SGCZ: variants seen among roughly 807,000 people sequenced by gnomAD.
SGCZ encodes zeta-sarcoglycan.
In SGCZ, 40 loss-of-function variants were observed where a neutral mutation model predicts 41.3. The observed-to-expected ratio is 0.97, with a 90% confidence interval of 0.75 to 1.26. SGCZ has a LOEUF of 1.26. SGCZ is among the 50% of genes most tolerant of loss of function. The pLI is 0.00. For synonymous variants in SGCZ, 206 were observed against 137.5 expected (o/e 1.50, Z -3.49); for missense variants, 552 against 369.8 (o/e 1.49, Z -4.04).
At chr8:14,309,213 A>G in intron 3 of SGCZ, 1 of 1,498,880 alleles carries the variant, frequency 6.7e-7, no homozygotes, top group East Asian at 2.3e-5. Context: ...CTGATCTCTA[A>G]GTTTGATACT....
chr8:14,896,762 C>T (rs1585358816), intron 1 of SGCZ, among the ~76,000 whole-genome samples: 1 of 151,892 alleles, frequency 6.6e-6, no homozygotes, highest in African/African-American at 2.4e-5. Flanking sequence ...CAGGCGTGGG[C>T]CACCACACCT....
At chr8:14,912,445 A>G (rs909111050) in intron 1 of SGCZ, among the ~76,000 whole-genome samples, 8 of 152,032 alleles carry the variant, frequency 5.3e-5, no homozygotes, top group African/African-American at 1.7e-4. Context: ...TTTATACTAC[A>G]TGTTGAGAAC....
intron 4 of SGCZ, among the ~76,000 whole-genome samples, chr8:14,178,422 G>A (rs1216242155): frequency 6.6e-6 from 1 of 152,132 alleles, no homozygotes; most frequent in Non-Finnish European, 1.5e-5. Context: ...ACCTATTGAG[G>A]CTAGCAAACC....
In SGCZ at chr8:15,197,963, TTA is replaced by T. The variant is rs533537790; in HGVS notation, c.39+39620_39+39621del. On this transcript the variant is annotated intron_variant, in intron 1 of 7. Coordinates refer to ENST00000382080, the MANE Select transcript of SGCZ (RefSeq NM_139167.4). ...ACACATAATACATACCATATTTACATTATATATATATTATGTACAGATACATA... is the reference window on the plus strand; with the variant it reads ...ACACATAATACATACCATATTTACATTATATATATTATGTACAGATACATA... Among the ~76,000 whole-genome samples, 495 of 149,452 alleles carry T rather than the reference TTA, an allele frequency of 3.3e-3. 2 individuals carry two copies. The highest frequency in any genetic ancestry group is 0.011 in the African/African-American group (455 of 40,970).
At chr8:14,467,544 G>T (rs1460104378) in intron 2 of SGCZ, among the ~76,000 whole-genome samples, 1 of 152,030 alleles carries the variant, frequency 6.6e-6, no homozygotes, top group Non-Finnish European at 1.5e-5. Context: ...TCTGAGATGG[G>T]TAGTTGCTAC....
At chr8:15,146,754 C>A (rs1015624613) in intron 1 of SGCZ, among the ~76,000 whole-genome samples, 3 of 151,986 alleles carry the variant, frequency 2.0e-5, no homozygotes, top group Admixed American at 2.0e-4. Context: ...ATTACTTTGA[C>A]AAAAATATTT....
chr8:15,169,937 C>T (rs753289576), intron 1 of SGCZ, among the ~76,000 whole-genome samples: 35 of 152,220 alleles, frequency 2.3e-4, no homozygotes, highest in Admixed American at 1.3e-3. Flanking sequence ...GAGTGAACTA[C>T]GTAATTTCAT....
chr8:14,376,924 T>G (rs1282846270), intron 2 of SGCZ, among the ~76,000 whole-genome samples: 1 of 152,152 alleles, frequency 6.6e-6, no homozygotes, highest in Admixed American at 6.5e-5. Context: ...AAGAAATACA[T>G]ATTTAGTCTT....
intron 1 of SGCZ, among the ~76,000 whole-genome samples, chr8:15,217,232 A>T (rs1452502838): frequency 6.6e-6 from 1 of 151,768 alleles, no homozygotes; most frequent in East Asian, 1.9e-4. Flanking sequence ...CTTGGCTAAC[A>T]CGGTGAAACC....
intron 3 of SGCZ, among the ~76,000 whole-genome samples, chr8:14,264,262 A>T (rs1036352285): frequency 1.3e-5 from 2 of 152,150 alleles, no homozygotes; most frequent in African/African-American, 4.8e-5. Context: ...ATGCACAGGG[A>T]TGCTGTGTGT....
At chr8:15,129,409 T>A (rs1317363358) in intron 1 of SGCZ, among the ~76,000 whole-genome samples, 1 of 152,260 alleles carries the variant, frequency 6.6e-6, no homozygotes, top group Non-Finnish European at 1.5e-5. Flanking sequence ...ATTCATAACA[T>A]TTTTAGTCAA....
intron 1 of SGCZ, among the ~76,000 whole-genome samples, chr8:14,863,050 G>A (rs1037517844): frequency 6.6e-6 from 1 of 152,078 alleles, no homozygotes; most frequent in Non-Finnish European, 1.5e-5. Flanking sequence ...TGATTGAGAA[G>A]CTACAAGGTG....
At chr8:15,065,446 A>G (rs1805098548) in intron 1 of SGCZ, among the ~76,000 whole-genome samples, 1 of 146,900 alleles carries the variant, frequency 6.8e-6, no homozygotes, top group African/African-American at 2.5e-5. Context: ...TATTATTATT[A>G]TTATTATTAT....
intron 4 of SGCZ, among the ~76,000 whole-genome samples, chr8:14,190,884 G>C (rs1378197068): frequency 6.6e-6 from 1 of 152,080 alleles, no homozygotes; most frequent in African/African-American, 2.4e-5. Flanking sequence ...TTACAGGCAT[G>C]AGCCACCACA....
At chr8:15,078,201 C>T (rs1222956433) in intron 1 of SGCZ, among the ~76,000 whole-genome samples, 2 of 137,214 alleles carry the variant, frequency 1.5e-5, no homozygotes, top group Non-Finnish European at 3.0e-5. Context: ...CCCTCCTCAC[C>T]TTTCAATGTG....
At chr8:14,258,286 C>A (rs1182452297) in intron 3 of SGCZ, among the ~76,000 whole-genome samples, 1 of 152,116 alleles carries the variant, frequency 6.6e-6, no homozygotes, top group Non-Finnish European at 1.5e-5. Context: ...TAAACTTACA[C>A]CATTAATCAT....
chr8:15,150,208 G>A (rs967395165), intron 1 of SGCZ, among the ~76,000 whole-genome samples: 1 of 151,648 alleles, frequency 6.6e-6, no homozygotes, highest in African/African-American at 2.4e-5. Context: ...TTATAAAACA[G>A]TGCGAATCAG....
chr8:14,908,743 C>CAAA (rs58817872), intron 1 of SGCZ, among the ~76,000 whole-genome samples: 3,566 of 90,642 alleles, frequency 0.039, 303 homozygotes, highest in African/African-American at 0.13. Flanking sequence ...GTCACCGTTG[C>CAAA]AAAAAAAAAA....
chr8:15,178,769 G>A lies in SGCZ; in HGVS notation c.39+58816C>T, dbSNP rs918306822. 5.8e-4 allele frequency among the ~76,000 whole-genome samples: 87 copies of A among 151,172 alleles called. 1 individual carries two copies. The highest frequency in any genetic ancestry group is 2.1e-4 in the South Asian group (1 of 4,770). ...CCCAAATCACACAGGGAATAATTAC[G>A]AAGACTGAGCAAAGTTACGAAGTGC... On this transcript the variant is annotated intron_variant, in intron 1 of 7. Transcript: ENST00000382080.
Sources: gnomAD v4.1 joint callset for allele counts (sites outside exome capture counted in the v4.1 genomes callset) on GRCh38, gnomAD v4.1.1 for gene constraint, MANE v1.5 for transcripts, NCBI Gene and HGNC (gene_info 2026-07-23, HGNC 2026-07-21) for gene names.